TBC1D23: variants seen among roughly 807,000 people sequenced by gnomAD.
The protein encoded by TBC1D23 is HCV non-structural protein 4A-transactivated protein 1.
In TBC1D23, 55 loss-of-function variants were observed where a neutral mutation model predicts 91.4. That is an observed-to-expected ratio of 0.60 (90% CI 0.48 to 0.75). The LOEUF is 0.75. TBC1D23 is among the 30% of genes least tolerant of loss of function. TBC1D23 has a pLI of 0.00. For missense variants in TBC1D23, 725 were observed against 836.1 expected, an observed-to-expected ratio of 0.87 and a Z score of 1.64; for synonymous variants, 289 against 281.0, an observed-to-expected ratio of 1.03 and a Z score of -0.28.
At chr3:100,310,253 C>A in intron 13 of TBC1D23, 150 bp from the exon 14 acceptor site, 1 of 691,708 alleles carries the variant, frequency 1.4e-6, no homozygotes, top group Non-Finnish European at 2.4e-6. Flanking sequence ...TCTCCAAATA[C>A]AGTCACATTC....
intron 1 of TBC1D23, among the ~76,000 whole-genome samples, chr3:100,268,617 A>G (rs1260589251): frequency 6.6e-6 from 1 of 152,238 alleles, no homozygotes; most frequent in African/African-American, 2.4e-5. Context: ...TGTAATTGAC[A>G]TAGGTAATAT....
intron 13 of TBC1D23, 132 bp from the exon 14 acceptor site, chr3:100,310,271 T>C (rs1559813805): frequency 2.6e-6 from 2 of 763,376 alleles, no homozygotes; most frequent in South Asian, 1.7e-5. Context: ...TTCTGAGATA[T>C]ACTGGGAGTT....
At chr3:100,281,601 C>G (rs2067695237) in intron 2 of TBC1D23, 141 bp from the exon 3 acceptor site, 1 of 501,566 alleles carries the variant, frequency 2.0e-6, no homozygotes, top group African/African-American at 2.0e-5. Context: ...TGACTAAATA[C>G]TCAACATTTG....
chr3:100,316,240 C>A, intron 16 of TBC1D23, 53 bp downstream of exon 16: 1 of 1,271,696 alleles, frequency 7.9e-7, no homozygotes, highest in Middle Eastern at 1.9e-4. Flanking sequence ...GGAGTGATTA[C>A]AGCAGTCATT....
At position 100,295,319 on chromosome 3, in the gene TBC1D23, A is replaced by AAG. The variant is rs2067829830; in HGVS notation, c.746_747dup (p.Asp251GlnfsTer18). 1 of 1,611,074 alleles carries AAG rather than the reference A, an allele frequency of 6.2e-7. No homozygotes were observed. Among genetic ancestry groups the AAG allele is most frequent in the Non-Finnish European group, 8.5e-7 (1 of 1,178,742 alleles). On this transcript the variant is annotated frameshift_variant, in exon 7 of 19. Transcript: ENST00000394144. LOFTEE classifies it high-confidence loss of function. The stretch of plus-strand genomic sequence containing the variant: ...TTTTACAGAGAAGTTATTTTAACAC[A>AAG]AGAGTCAGACAGCAAAGAAGAAGTT...
At chr3:100,306,319 T>G in intron 12 of TBC1D23, 118 bp from the exon 13 acceptor site, 1 of 610,252 alleles carries the variant, frequency 1.6e-6, no homozygotes, top group Non-Finnish European at 2.9e-6. Context: ...TACCTGTGAT[T>G]ATTTCCTTCA....
At chr3:100,309,486 T>C (rs1316166779) in intron 13 of TBC1D23, among the ~76,000 whole-genome samples, 2 of 152,160 alleles carry the variant, frequency 1.3e-5, no homozygotes, top group African/African-American at 2.4e-5. Context: ...TTGCTTATTT[T>C]TGTAGACTAG....
chr3:100,316,123 G>T lies in TBC1D23; in HGVS notation c.1623G>T (p.Val541=), dbSNP rs1210960754. Residue 541 remains valine, a synonymous_variant, in exon 16 of 19, where the codon GTG becomes GTT. Coordinates refer to ENST00000394144, the MANE Select transcript of TBC1D23 (RefSeq NM_001199198.3). The part of the protein sequence containing the change: ...TERHVSSSDR[V]GKPYRGVKPV... ...GGCATGTGAGCAGCAGTGACAGAGT[G>T]GGCAAGCCTTACCGTGGCGTAAAGC... 1.9e-5 allele frequency: 30 copies of T among 1,613,880 alleles called. No homozygotes were observed. The highest frequency in any genetic ancestry group is 2.2e-5 in the Non-Finnish European group (26 of 1,179,888).
At chr3:100,301,272 CAAAA>C (rs71697646) in intron 10 of TBC1D23, among the ~76,000 whole-genome samples, 2 of 113,106 alleles carry the variant, frequency 1.8e-5, no homozygotes, top group Non-Finnish European at 3.7e-5. Flanking sequence ...GATTCCGTCT[CAAAA>C]AAAAAAAAAA....
Sources: gnomAD v4.1 joint callset for allele counts (sites outside exome capture counted in the v4.1 genomes callset) on GRCh38, gnomAD v4.1.1 for gene constraint, MANE v1.5 for transcripts, NCBI Gene and HGNC (gene_info 2026-07-23, HGNC 2026-07-21) for gene names.